The following CFAP77 variants were observed in gnomAD, a reference collection of about 807,000 sequenced individuals.
The protein encoded by CFAP77 is cilia- and flagella-associated protein 77.
A neutral mutation model predicts 31.1 loss-of-function variants in CFAP77; 25 were observed. The ratio of observed to expected loss-of-function variants is 0.80; its 90% CI spans 0.59 to 1.12. CFAP77 has a LOEUF of 1.12. CFAP77 is among the 50% of genes most tolerant of loss of function. The pLI is 0.00. For synonymous variants in CFAP77, 151 were observed against 159.9 expected, an observed-to-expected ratio of 0.94 and a Z score of 0.42; for missense variants, 377 against 397.3, an observed-to-expected ratio of 0.95 and a Z score of 0.44.
rs370040202 is a variant in CFAP77 at position 132,572,556 on chromosome 9, A to G, written c.*46A>G. 12 of 1,572,256 alleles carry G rather than the reference A, an allele frequency of 7.6e-6. No homozygotes were observed. Among genetic ancestry groups the G allele is most frequent in the Non-Finnish European group, 9.4e-6 (11 of 1,164,228 alleles). On this transcript the variant is annotated 3_prime_UTR_variant, in exon 6 of 6. Transcript: ENST00000393216. Reference sequence around the variant, plus strand: ...AGAAGCCATCTTGACATAGTGGAAAATTCCCAGAAGGACTCCCTATCTTGC... The same window carrying G: ...AGAAGCCATCTTGACATAGTGGAAAGTTCCCAGAAGGACTCCCTATCTTGC...
Position 132,499,930 on chromosome 9 carries a change from C to T in CFAP77, c.524+330C>T, listed in dbSNP as rs969349646. 2.0e-4 allele frequency among the ~76,000 whole-genome samples: 30 copies of T among 152,110 alleles called. No homozygotes were observed. Among genetic ancestry groups the T allele is most frequent in the Admixed American group, 1.6e-3 (24 of 15,274 alleles). ...CTTTGGGAGGCCCATGTAGGAGGATCGCTTGAGTCCAGGAATTCGAGGCCA... is the reference window on the plus strand; with the variant it reads ...CTTTGGGAGGCCCATGTAGGAGGATTGCTTGAGTCCAGGAATTCGAGGCCA... On this transcript the variant is annotated intron_variant, in intron 3 of 5. Transcript: ENST00000393216. This position sits in a 1 kb window ranked among gnomAD's most constrained non-coding sequence, Gnocchi z 5.4.
chr9:132,505,194 G>GC (rs1851912763), intron 3 of CFAP77, among the ~76,000 whole-genome samples: 2 of 152,178 alleles, frequency 1.3e-5, no homozygotes, highest in Non-Finnish European at 2.9e-5. Flanking sequence ...ACCACAGCCA[G>GC]CCCCCCAACC....
At chr9:132,507,933 C>T (rs969294662) in intron 3 of CFAP77, among the ~76,000 whole-genome samples, 6 of 152,330 alleles carry the variant, frequency 3.9e-5, no homozygotes, top group Middle Eastern at 3.4e-3. Context: ...TCCTGTCCCC[C>T]GCATAATCTG....
intron 1 of CFAP77, among the ~76,000 whole-genome samples, chr9:132,460,857 C>T (rs1851035805): frequency 6.6e-6 from 1 of 152,136 alleles, no homozygotes; most frequent in Admixed American, 6.5e-5. Context: ...TCCTGAGTAG[C>T]TGGGATTACA....
chr9:132,504,847 G>A (rs1269514352), intron 3 of CFAP77, among the ~76,000 whole-genome samples: 1 of 152,160 alleles, frequency 6.6e-6, no homozygotes, highest in Non-Finnish European at 1.5e-5. Flanking sequence ...TCATTGCCCC[G>A]CTCCCTAATG....
At chr9:132,485,001 A>G (rs987759908) in intron 1 of CFAP77, among the ~76,000 whole-genome samples, 33 of 152,094 alleles carry the variant, frequency 2.2e-4, no homozygotes, top group Admixed American at 9.8e-4. Context: ...GGCATGCGCC[A>G]GCAAGCCCAG....
intron 5 of CFAP77, among the ~76,000 whole-genome samples, chr9:132,567,440 C>T (rs1039083712): frequency 1.3e-5 from 2 of 152,190 alleles, no homozygotes; most frequent in Non-Finnish European, 2.9e-5. Flanking sequence ...CTCCTTTTGT[C>T]CTTGTGTGGT....
At chr9:132,418,784 A>T (rs140822772) in intron 1 of CFAP77, among the ~76,000 whole-genome samples, 2 of 152,346 alleles carry the variant, frequency 1.3e-5, no homozygotes, top group African/African-American at 4.8e-5. Context: ...ACCGGTAGAC[A>T]AGCTTTGTTT....
At chr9:132,515,253 C>T (rs551710583) in intron 3 of CFAP77, among the ~76,000 whole-genome samples, 2 of 152,258 alleles carry the variant, frequency 1.3e-5, no homozygotes, top group South Asian at 2.1e-4. Flanking sequence ...CAGAGAACCC[C>T]GGCTCGACAT....
chr9:132,429,179 A>G (rs1182492499), intron 1 of CFAP77, among the ~76,000 whole-genome samples: 1 of 151,672 alleles, frequency 6.6e-6, no homozygotes, highest in African/African-American at 2.4e-5. Context: ...ACTAGATTGG[A>G]AAGTGAGATA....
chr9:132,491,030 G>A (rs1006529100), intron 1 of CFAP77, among the ~76,000 whole-genome samples: 1 of 152,146 alleles, frequency 6.6e-6, no homozygotes, highest in Non-Finnish European at 1.5e-5. Context: ...CGCCCTGCGA[G>A]GGTGTGTGTT....
Position 132,480,633 on chromosome 9 carries a change from A to T in CFAP77, c.196-18062A>T, listed in dbSNP as rs1427252291. Among the ~76,000 whole-genome samples the T allele has an allele frequency of 6.6e-6, 1 of 152,252 alleles. No individual in the cohort carries two copies. The highest frequency in any genetic ancestry group is 1.9e-4 in the East Asian group (1 of 5,184). On this transcript the variant is annotated intron_variant, in intron 1 of 5. Transcript: ENST00000393216. The surrounding 1 kb of genome is among the most constrained non-coding windows in gnomAD (Gnocchi z 5.8). ...TTTGAATGATCCATTCATCTCAAAG[A>T]CGTGGGTCCAGGAAGGAAAATAGGT...
At chr9:132,526,159 C>A (rs1274431765) in intron 3 of CFAP77, among the ~76,000 whole-genome samples, 1 of 151,620 alleles carries the variant, frequency 6.6e-6, no homozygotes, top group Non-Finnish European at 1.5e-5. Context: ...GCTTTCATTT[C>A]TCTGGAATAA....
chr9:132,548,539 A>G (rs1252294509), intron 5 of CFAP77, among the ~76,000 whole-genome samples: 1 of 152,168 alleles, frequency 6.6e-6, no homozygotes, highest in Non-Finnish European at 1.5e-5. Flanking sequence ...AGCTTCCCTC[A>G]GGCATGAAGG....
At chr9:132,410,578 C>G in intron 1 of CFAP77, 112 bp downstream of exon 1, 1 of 942,216 alleles carries the variant, frequency 1.1e-6, no homozygotes, top group Non-Finnish European at 1.5e-6. Flanking sequence ...CCGAGCGCAG[C>G]GTGGGAAGCT....
At chr9:132,491,110 C>G (rs1851647382) in intron 1 of CFAP77, among the ~76,000 whole-genome samples, 1 of 152,140 alleles carries the variant, frequency 6.6e-6, no homozygotes, top group Non-Finnish European at 1.5e-5. Context: ...CCGCCACTCA[C>G]AACTCTGAAC....
At chr9:132,557,171 G>A (rs1852918721) in intron 5 of CFAP77, among the ~76,000 whole-genome samples, 1 of 152,158 alleles carries the variant, frequency 6.6e-6, no homozygotes, top group South Asian at 2.1e-4. Context: ...GTTGGACAGG[G>A]GCTCCAAGGT....
intron 1 of CFAP77, among the ~76,000 whole-genome samples, chr9:132,478,570 G>A (rs905108385): frequency 3.3e-5 from 5 of 152,312 alleles, no homozygotes; most frequent in East Asian, 1.9e-4. Context: ...CCCTGTCGGC[G>A]TGAGGTGTCC....
intron 3 of CFAP77, among the ~76,000 whole-genome samples, chr9:132,503,419 C>T (rs188530760): frequency 2.4e-4 from 36 of 152,292 alleles, no homozygotes; most frequent in East Asian, 1.9e-3. Context: ...GGCCCTGGGT[C>T]GGGAGTTGGC....
Sources: allele counts gnomAD v4.1 joint callset (sites outside exome capture counted in the v4.1 genomes callset), GRCh38; gene constraint gnomAD v4.1.1; non-coding constraint Gnocchi (gnomAD v3.1); transcripts MANE v1.5; gene names NCBI Gene and HGNC (gene_info 2026-07-23, HGNC 2026-07-21).